GOSR1: variants seen among roughly 807,000 people sequenced by gnomAD.
GOSR1 encodes golgi SNAP receptor complex member 1, also known as 28 kDa Golgi SNARE protein.
A neutral mutation model predicts 35.5 loss-of-function variants in GOSR1; 21 were observed. That is an observed-to-expected ratio of 0.59 (90% CI 0.42 to 0.85). The LOEUF (loss-of-function observed/expected upper bound fraction) is 0.85, where lower values mean the gene tolerates loss of function less well. Ranked by LOEUF, GOSR1 falls within the 40% of genes least tolerant of loss-of-function variation. The pLI, the probability that GOSR1 is intolerant of heterozygous loss-of-function variation, is 0.00. For synonymous variants in GOSR1, 94 were observed against 106.6 expected, an observed-to-expected ratio of 0.88 and a Z score of 0.73; for missense variants, 285 against 309.6, an observed-to-expected ratio of 0.92 and a Z score of 0.60.
intron 8 of GOSR1, among the ~76,000 whole-genome samples, chr17:30,520,827 C>A (rs1254478477): frequency 6.6e-6 from 1 of 152,220 alleles, no homozygotes; most frequent in African/African-American, 2.4e-5. Context: ...ATTCTCCAGT[C>A]CACTGTGAAT....
At chr17:30,513,335 G>C (rs906969070) in intron 7 of GOSR1, among the ~76,000 whole-genome samples, 1 of 152,124 alleles carries the variant, frequency 6.6e-6, no homozygotes, top group Non-Finnish European at 1.5e-5. Flanking sequence ...GAAAGTTGAA[G>C]TTCCTGTAAG....
intron 1 of GOSR1, chr17:30,477,971 T>C: frequency 6.1e-6 from 6 of 980,690 alleles, no homozygotes; most frequent in South Asian, 4.7e-5. Flanking sequence ...ATGTCTCTTA[T>C]TGGGTCTCCA....
chr17:30,509,948 C>G (rs1241030412), intron 6 of GOSR1, among the ~76,000 whole-genome samples: 1 of 152,158 alleles, frequency 6.6e-6, no homozygotes, highest in Non-Finnish European at 1.5e-5. Context: ...ATAGTGACAA[C>G]TTTGAGCTAT....
chr17:30,501,439 G>T (rs767908964), intron 6 of GOSR1, among the ~76,000 whole-genome samples: 2 of 151,992 alleles, frequency 1.3e-5, no homozygotes, highest in Non-Finnish European at 2.9e-5. Flanking sequence ...CTCATTGCTG[G>T]TGTGAATGCA....
At chr17:30,501,105 C>T (rs1368446587) in intron 6 of GOSR1, among the ~76,000 whole-genome samples, 3 of 152,080 alleles carry the variant, frequency 2.0e-5, no homozygotes, top group African/African-American at 7.2e-5. Flanking sequence ...TGGTCTCGAT[C>T]TCCTGACCTC....
In GOSR1 at chr17:30,481,155, A is replaced by G. The variant is rs749095286; in HGVS notation, c.44A>G (p.Gln15Arg). The G allele has an allele frequency of 1.3e-6, 2 of 1,596,696 alleles. No individual in the cohort carries two copies. Among genetic ancestry groups the G allele is most frequent in the Non-Finnish European group, 8.6e-7 (1 of 1,164,138 alleles). Reference sequence around the variant, plus strand: ...AATTTTGTTAAAGATCTCAGGAAACAGGCTCGACAGCTGGAAAATGAACTT... The same window carrying G: ...AATTTTGTTAAAGATCTCAGGAAACGGGCTCGACAGCTGGAAAATGAACTT... ...TSSYWEDLRK[Q>R]ARQLENELDL... Residue 15 changes from glutamine to arginine, a missense_variant, in exon 2 of 9, where the codon CAG becomes CGG. Physicochemically the swap from Gln to Arg is conservative, Grantham distance 43. This residue lies in a region of GOSR1 where 108 missense variants were observed against 98.9 expected (regional missense o/e 1.09). Coordinates refer to ENST00000451249, the MANE Select transcript of GOSR1 (RefSeq NM_001007025.2).
chr17:30,515,988 G>C (rs1164832417), intron 7 of GOSR1, among the ~76,000 whole-genome samples: 3 of 152,200 alleles, frequency 2.0e-5, no homozygotes, highest in African/African-American at 7.2e-5. Context: ...TGTGATTTCA[G>C]TTGAAAGTGA....
In GOSR1 at chr17:30,520,028, T is replaced by G. The variant is rs948510214; in HGVS notation, c.622+7T>G. On this transcript the variant is annotated splice_region_variant and intron_variant, in intron 8 of 8. Transcript: ENST00000451249. ...AAAATGAACACTTTGGCCAGTATCCTTTTTGAATGTTCGCAGTCTGTGTTT... is the reference window on the plus strand; with the variant it reads ...AAAATGAACACTTTGGCCAGTATCCGTTTTGAATGTTCGCAGTCTGTGTTT... The G allele has an allele frequency of 5.8e-6, 9 of 1,549,766 alleles. No individual in the cohort carries two copies. In the African/African-American group the frequency reaches 1.2e-4, roughly 21 times the overall value.
intron 6 of GOSR1, chr17:30,510,462 T>G (rs1333817380): frequency 6.5e-6 from 1 of 153,418 alleles, no homozygotes; most frequent in African/African-American, 2.4e-5. Context: ...ATCTGTAATC[T>G]CAGAGCTTTG....
At position 30,525,938 on chromosome 17, in the gene GOSR1, G is replaced by A. The variant is rs1968175564; in HGVS notation, c.*3560G>A. On this transcript the variant is annotated 3_prime_UTR_variant, in exon 9 of 9. Transcript: ENST00000451249. ...CTAAGGTGACCCAGGGCCACATGTA[G>A]ACAGCTAGGCCAGTGCTTTTTCCTC... 1 of 152,214 alleles carries A rather than the reference G, an allele frequency of 6.6e-6. No homozygotes were observed. The highest frequency in any genetic ancestry group is 1.5e-5 in the Non-Finnish European group (1 of 68,050). The allele number at this position is 152,214 out of a possible 1,614,324, so 9.4% of individuals were successfully genotyped here.
At chr17:30,487,868 T>C (rs1233152000) in intron 4 of GOSR1, among the ~76,000 whole-genome samples, 1 of 152,082 alleles carries the variant, frequency 6.6e-6, no homozygotes, top group Non-Finnish European at 1.5e-5. Context: ...CTCCACGTCC[T>C]GGGTTCAAGC....
At chr17:30,502,990 G>C (rs145739986) in intron 6 of GOSR1, among the ~76,000 whole-genome samples, 1 of 152,182 alleles carries the variant, frequency 6.6e-6, no homozygotes, top group Non-Finnish European at 1.5e-5. Context: ...GGTCTGATTG[G>C]TTAGTGACAA....
intron 7 of GOSR1, 24 bp downstream of exon 7, chr17:30,510,933 T>G (rs770678771): frequency 7.1e-7 from 1 of 1,398,698 alleles, no homozygotes; most frequent in Non-Finnish European, 1.0e-6. Context: ...TTTGTTTTGC[T>G]TTGTTGGTTT....
At chr17:30,522,197 C>T (rs1015744848) in intron 8 of GOSR1, 57 bp from the exon 9 acceptor site, 55 of 1,478,070 alleles carry the variant, frequency 3.7e-5, no homozygotes, top group Middle Eastern at 1.8e-4. Context: ...GTGATTCCTA[C>T]GACTTTTCGC....
rs183840385 is a variant in GOSR1, at chr17:30,482,769, C to T, written c.147-1445C>T. On this transcript the variant is annotated intron_variant, in intron 2 of 8. Transcript: ENST00000451249. ...CTAGGATCTAAAAATAAATTACTAA[C>T]ACATCAAATAGATTGCATTGCTTTG... 43 of 152,318 alleles carry T rather than the reference C, an allele frequency of 2.8e-4. 1 individual carries two copies. The highest frequency in any genetic ancestry group is 9.6e-4 in the African/African-American group (40 of 41,578). The allele number at this position is 152,318 out of a possible 1,614,324, so 9.4% of individuals were successfully genotyped here. A position where few individuals can be genotyped will look rare whatever the true frequency, so the allele number is the denominator to read the frequency against.
intron 6 of GOSR1, among the ~76,000 whole-genome samples, chr17:30,498,523 T>C (rs1301967493): frequency 2.0e-5 from 3 of 152,166 alleles, no homozygotes; most frequent in Non-Finnish European, 4.4e-5. Context: ...TGAAAGGGCT[T>C]TAGAGAAGTC....
At chr17:30,518,923 C>T (rs756081370) in intron 7 of GOSR1, among the ~76,000 whole-genome samples, 18 of 152,016 alleles carry the variant, frequency 1.2e-4, no homozygotes, top group African/African-American at 2.4e-4. Context: ...GCCTGGGTGA[C>T]GGAGCAGGAC....
At chr17:30,507,465 G>A (rs1967444554) in intron 6 of GOSR1, among the ~76,000 whole-genome samples, 1 of 152,162 alleles carries the variant, frequency 6.6e-6, no homozygotes, top group African/African-American at 2.4e-5. Flanking sequence ...CTGTAATCCT[G>A]TAATCCCAGC....
Position 30,483,766 on chromosome 17 carries a change from C to G in GOSR1, c.147-448C>G, listed in dbSNP as rs557107406. 4.6e-5 allele frequency among the ~76,000 whole-genome samples: 7 copies of G among 152,304 alleles called. No homozygotes were observed. The South Asian group carries it at 1.4e-3, about 32-fold the overall frequency. ...GGGTTTAGAATTTGAATCTGTCAAA[C>G]CTAAGTTTCACTTGTAAAAAGATAG... On this transcript the variant is annotated intron_variant, in intron 2 of 8. Coordinates refer to ENST00000451249, the MANE Select transcript of GOSR1 (RefSeq NM_001007025.2).
Sources: allele counts gnomAD v4.1 joint callset (sites outside exome capture counted in the v4.1 genomes callset), GRCh38; gene constraint gnomAD v4.1.1; regional missense constraint gnomAD v4.1.1; transcripts MANE v1.5; gene names NCBI Gene and HGNC (gene_info 2026-07-23, HGNC 2026-07-21).